The following BRSK1 variants were observed in gnomAD, a reference collection of about 807,000 sequenced individuals.
BRSK1 encodes the protein serine/threonine-protein kinase BRSK1.
BRSK1 carries 17 observed loss-of-function variants against 86.2 expected under a neutral mutation model. The ratio of observed to expected loss-of-function variants is 0.20; its 90% CI spans 0.14 to 0.30. The LOEUF (loss-of-function observed/expected upper bound fraction) is 0.30, where lower values mean the gene tolerates loss of function less well. Ranked by LOEUF, BRSK1 falls within the 10% of genes least tolerant of loss-of-function variation. The pLI, the probability that BRSK1 is intolerant of heterozygous loss-of-function variation, is 1.00. For synonymous variants in BRSK1, 464 were observed against 440.1 expected, an observed-to-expected ratio of 1.05 and a Z score of -0.68; for missense variants, 719 against 1,071.9, an observed-to-expected ratio of 0.67 and a Z score of 4.60.
At position 55,287,549 on chromosome 19, in the gene BRSK1, C is replaced by T. The variant is rs1053883770; in HGVS notation, c.317+250C>T. Among the ~76,000 whole-genome samples the T allele has an allele frequency of 4.6e-5, 7 of 152,226 alleles. No individual in the cohort carries two copies. Among genetic ancestry groups the T allele is most frequent in the Non-Finnish European group, 1.0e-4 (7 of 68,030 alleles). The stretch of plus-strand genomic sequence containing the variant: ...TCCTACCGTGTCCCCAGCTCCAGCT[C>T]CTCGCCCTGTGGCACTGCATGGAAT... On this transcript the variant is annotated intron_variant, in intron 3 of 18. Coordinates refer to ENST00000309383, the MANE Select transcript of BRSK1 (RefSeq NM_032430.2). This position sits in a 1 kb window ranked among gnomAD's most constrained non-coding sequence, Gnocchi z 5.3.
chr19:55,300,241 C>T (rs943641040), intron 7 of BRSK1, among the ~76,000 whole-genome samples: 2 of 152,162 alleles, frequency 1.3e-5, no homozygotes, highest in Non-Finnish European at 2.9e-5. Flanking sequence ...CAGTGCGTCA[C>T]AGCAGCCAGC....
At position 55,303,817 on chromosome 19, in the gene BRSK1, A is replaced by G; in HGVS notation, c.1277A>G (p.His426Arg). Residue 426 changes from histidine (H) to arginine (R), a missense_variant, in exon 12 of 19, where the codon CAC becomes CGC. His to Arg is a conservative substitution (Grantham distance 29, BLOSUM62 0). Transcript: ENST00000309383. The surrounding 1 kb of genome is among the most constrained non-coding windows in gnomAD (Gnocchi z 5.1). ...PTRRALEMAQ[H>R]SQRSRSVSGA... Reference sequence around the variant, plus strand: ...CGACGGGCCTTGGAGATGGCCCAGCACAGCCAGAGGTGGGAGCCCCTGTCC... The same window carrying G: ...CGACGGGCCTTGGAGATGGCCCAGCGCAGCCAGAGGTGGGAGCCCCTGTCC... The G allele has an allele frequency of 6.3e-7, 1 of 1,577,666 alleles. No homozygotes were observed. The highest frequency in any genetic ancestry group is 1.7e-4 in the Middle Eastern group (1 of 5,884).
intron 7 of BRSK1, among the ~76,000 whole-genome samples, chr19:55,298,745 GTGT>G (rs1262643702): frequency 1.3e-5 from 2 of 152,116 alleles, no homozygotes; most frequent in African/African-American, 4.8e-5. Context: ...TCACATTTTT[GTGT>G]TGTTGGTGGC....
intron 4 of BRSK1, among the ~76,000 whole-genome samples, chr19:55,290,392 C>A (rs550605421): frequency 9.6e-4 from 146 of 152,160 alleles, no homozygotes; most frequent in Admixed American, 1.6e-3. Context: ...CAAGAGATTA[C>A]TCTAGGAACA....
At chr19:55,298,598 G>T (rs1453977945) in intron 7 of BRSK1, among the ~76,000 whole-genome samples, 1 of 152,234 alleles carries the variant, frequency 6.6e-6, no homozygotes, top group African/African-American at 2.4e-5. Flanking sequence ...GTCATTGGCA[G>T]ACATGCCCAG....
intron 8 of BRSK1, 162 bp from the exon 9 acceptor site, chr19:55,301,975 G>A (rs1412974034): frequency 6.6e-6 from 6 of 913,810 alleles, no homozygotes; most frequent in African/African-American, 6.5e-5. Flanking sequence ...GCGGGGCGAT[G>A]CACTCAGTCG....
chr19:55,302,834 G>A lies in BRSK1; in HGVS notation c.995G>A (p.Arg332His), dbSNP rs768407957. 23 of 1,613,560 alleles carry A rather than the reference G, an allele frequency of 1.4e-5. No homozygotes were observed. Among genetic ancestry groups the A allele is most frequent in the Middle Eastern group, 1.6e-4 (1 of 6,076 alleles). The change falls in exon 10 of 19, where the codon CGC (arginine) becomes CAC (histidine). Residue 332 changes from arginine to histidine, a missense_variant. Physicochemically the swap from Arg to His is conservative, Grantham distance 29. This residue lies in a region of BRSK1 where 168 missense variants were observed against 246.3 expected (regional missense o/e 0.68). Coordinates refer to ENST00000309383, the MANE Select transcript of BRSK1 (RefSeq NM_032430.2). The surrounding 1 kb of genome is among the most constrained non-coding windows in gnomAD (Gnocchi z 6.3). ...SMASLGCFRD[R>H]ERLHRELRSE... Reference sequence around the variant, plus strand: ...GCATCACTGGGCTGCTTCAGGGACCGCGAGAGGCTGCATCGCGAGCTGCGC... The same window carrying A: ...GCATCACTGGGCTGCTTCAGGGACCACGAGAGGCTGCATCGCGAGCTGCGC...
Position 55,308,660 on chromosome 19 carries a change from G to A in BRSK1, c.2111G>A (p.Arg704Gln), listed in dbSNP as rs2088705536. ...CTAGGTCCCAGCCGTCGGTTCAAGC[G>A]AGTGGTGGAGACCATCCAGGCACAG... ...LISGPSRRFKRVVETIQAQLL... is the reference protein window; with the variant it reads ...LISGPSRRFKQVVETIQAQLL... Residue 704 changes from arginine (R) to glutamine (Q), a missense_variant, in exon 18 of 19, where the codon CGA becomes CAA. Coordinates refer to ENST00000309383, the MANE Select transcript of BRSK1 (RefSeq NM_032430.2). 3.7e-6 allele frequency: 6 copies of A among 1,607,888 alleles called. No individual in the cohort carries two copies. The highest frequency in any genetic ancestry group is 4.2e-6 in the Non-Finnish European group (5 of 1,177,052).
chr19:55,305,017 G>A lies in BRSK1; in HGVS notation c.1717+97G>A, dbSNP rs185142055. On this transcript the variant is annotated intron_variant, in intron 14 of 18. Coordinates refer to ENST00000309383, the MANE Select transcript of BRSK1 (RefSeq NM_032430.2). ...CCGTCTGGCGTGTCTAGAGAGGAAGGGACTGGGGGCCTGGATTCCCACGTT... is the reference window on the plus strand; with the variant it reads ...CCGTCTGGCGTGTCTAGAGAGGAAGAGACTGGGGGCCTGGATTCCCACGTT... 151 of 1,524,458 alleles carry A rather than the reference G, an allele frequency of 9.9e-5. 1 individual carries two copies. In the East Asian group the frequency reaches 1.2e-3, roughly 12 times the overall value. 94.4% of individuals were successfully genotyped at this position (1,524,458 alleles called of 1,614,324 possible). A position where few individuals can be genotyped will look rare whatever the true frequency, so the allele number is the denominator to read the frequency against.
intron 7 of BRSK1, among the ~76,000 whole-genome samples, chr19:55,295,044 C>CA (rs2088465375): frequency 6.6e-6 from 1 of 152,086 alleles, no homozygotes; most frequent in Non-Finnish European, 1.5e-5. Flanking sequence ...TCAAGTGATC[C>CA]ACCCTCCTCG....
rs1451446004 is a variant in BRSK1, at chr19:55,284,375, C to T, written c.-68C>T. ...GGACGGAGCGGTCGCCGGCCCCCAC[C>T]GGAGAGACGGGGCGACGGCCGCAGG... On this transcript the variant is annotated 5_prime_UTR_variant, in exon 1 of 19. Coordinates refer to ENST00000309383, the MANE Select transcript of BRSK1 (RefSeq NM_032430.2). 5.4e-6 allele frequency: 5 copies of T among 926,258 alleles called. No individual in the cohort carries two copies. Among genetic ancestry groups the T allele is most frequent in the African/African-American group, 2.7e-5 (1 of 37,426 alleles). 57.4% of individuals were successfully genotyped at this position (926,258 alleles called of 1,614,324 possible). A position where few individuals can be genotyped will look rare whatever the true frequency, so the allele number is the denominator to read the frequency against.
chr19:55,289,506 G>A lies in BRSK1; in HGVS notation c.344G>A (p.Gly115Glu). Residue 115 changes from glycine (G) to glutamate (E), a missense_variant, in exon 4 of 19, where the codon GGG becomes GAG. Coordinates refer to ENST00000309383, the MANE Select transcript of BRSK1 (RefSeq NM_032430.2). ...YLYLVLEHVS[G>E]GELFDYLVKK... ...TACCTGGTTCTGGAGCACGTCTCGG[G>A]GGGTGAGCTATTCGACTACCTGGTA... The A allele has an allele frequency of 6.2e-7, 1 of 1,613,808 alleles. No homozygotes were observed. The highest frequency in any genetic ancestry group is 8.5e-7 in the Non-Finnish European group (1 of 1,179,892).
rs1389649541 is a variant in BRSK1 at position 55,303,257 on chromosome 19, G to A, written c.1029-54G>A. Reference sequence around the variant, plus strand: ...GAGGAGACCTCCTCTGAGCATTGATGTTGGACCTCAGCCCTCTGCTACCTC... The same window carrying A: ...GAGGAGACCTCCTCTGAGCATTGATATTGGACCTCAGCCCTCTGCTACCTC... On this transcript the variant is annotated intron_variant, in intron 10 of 18. Transcript: ENST00000309383. This position sits in a 1 kb window ranked among gnomAD's most constrained non-coding sequence, Gnocchi z 5.1. 4 of 1,401,886 alleles carry A rather than the reference G, an allele frequency of 2.9e-6. No homozygotes were observed. Among genetic ancestry groups the A allele is most frequent in the Non-Finnish European group, 4.0e-6 (4 of 987,880 alleles). 86.8% of individuals were successfully genotyped at this position (1,401,886 alleles called of 1,614,324 possible). A position where few individuals can be genotyped will look rare whatever the true frequency, so the allele number is the denominator to read the frequency against.
rs199712894 is a variant in BRSK1, at chr19:55,287,193, C to T, written c.232-21C>T. On this transcript the variant is annotated intron_variant, in intron 2 of 18. Transcript: ENST00000309383. The surrounding 1 kb of genome is among the most constrained non-coding windows in gnomAD (Gnocchi z 5.3). ...CCGTGCTGACCTCTTTTCCCGTGTC[C>T]CCACCCCTCTTGACCCTCAGGTGGA... The T allele has an allele frequency of 6.8e-6, 11 of 1,613,854 alleles. No homozygotes were observed. The African/African-American group carries it at 1.1e-4, about 16-fold the overall frequency.
rs1027724005 is a variant in BRSK1 at position 55,287,419 on chromosome 19, C to T, written c.317+120C>T. On this transcript the variant is annotated intron_variant, in intron 3 of 18. Transcript: ENST00000309383. The surrounding 1 kb of genome is among the most constrained non-coding windows in gnomAD (Gnocchi z 5.3). ...GGACCTGCAGCTCTCCAGGCTGGACCGCTGAAGGCCCAGTTCCTTGCCTGT... is the reference window on the plus strand; with the variant it reads ...GGACCTGCAGCTCTCCAGGCTGGACTGCTGAAGGCCCAGTTCCTTGCCTGT... 9.2e-6 allele frequency: 8 copies of T among 872,652 alleles called. No individual in the cohort carries two copies. Among genetic ancestry groups the T allele is most frequent in the East Asian group, 2.6e-5 (1 of 38,784 alleles). The allele number at this position is 872,652 out of a possible 1,614,324, so 54.1% of individuals were successfully genotyped here.
chr19:55,311,018 T>A (rs1408851068), intron 18 of BRSK1, among the ~76,000 whole-genome samples: 1 of 152,128 alleles, frequency 6.6e-6, no homozygotes, highest in African/African-American at 2.4e-5. Context: ...TGGAGTGCAG[T>A]GGCGCGATCT....
At chr19:55,285,376 A>C (rs2088294998) in intron 1 of BRSK1, among the ~76,000 whole-genome samples, 6 of 152,064 alleles carry the variant, frequency 3.9e-5, no homozygotes. Context: ...GAGGGGCTCC[A>C]GGGCCAGGGA....
rs565480700 is a variant in BRSK1 at position 55,309,642 on chromosome 19, G to T, written c.2179+914G>T. 2.0e-5 allele frequency among the ~76,000 whole-genome samples: 3 copies of T among 152,248 alleles called. No homozygotes were observed. The East Asian group carries it at 5.8e-4, about 29-fold the overall frequency. On this transcript the variant is annotated intron_variant, in intron 18 of 18. Coordinates refer to ENST00000309383, the MANE Select transcript of BRSK1 (RefSeq NM_032430.2). The stretch of plus-strand genomic sequence containing the variant: ...AAGGACACTAATCCCATTCATGAAG[G>T]CCCCACCCTCATGACCTCATCACCT...
intron 18 of BRSK1, among the ~76,000 whole-genome samples, chr19:55,311,267 A>G (rs897094590): frequency 6.6e-6 from 1 of 152,078 alleles, no homozygotes; most frequent in Non-Finnish European, 1.5e-5. Context: ...CGGCCCACTC[A>G]GTTTCTCTTA....
Sources: allele counts gnomAD v4.1 joint callset (sites outside exome capture counted in the v4.1 genomes callset), GRCh38; gene constraint gnomAD v4.1.1; regional missense constraint gnomAD v4.1.1; non-coding constraint Gnocchi (gnomAD v3.1); transcripts MANE v1.5; gene names NCBI Gene and HGNC (gene_info 2026-07-23, HGNC 2026-07-21).